The following ELOVL7 variants were observed in gnomAD, a reference collection of about 807,000 sequenced individuals.
ELOVL7 encodes ELOVL fatty acid elongase 7.
Under a neutral mutation model 35.7 loss-of-function variants are expected in ELOVL7, and 27 were observed. The observed-to-expected ratio is 0.76, with a 90% CI of 0.56 to 1.04. The LOEUF is 1.04. Ranked by LOEUF, ELOVL7 falls within the 50% of genes least tolerant of loss-of-function variation. The pLI, the probability that ELOVL7 is intolerant of heterozygous loss-of-function variation, is 0.00. For synonymous variants in ELOVL7, 113 were observed against 114.6 expected, an observed-to-expected ratio of 0.99 and a Z score of 0.09; for missense variants, 327 against 340.8, an observed-to-expected ratio of 0.96 and a Z score of 0.32.
chr5:60,784,326 T>C (rs150725406), intron 3 of ELOVL7: 174 of 440,074 alleles, frequency 4.0e-4, no homozygotes, highest in African/African-American at 3.1e-3. Context: ...CATGACTAAG[T>C]CTGAAAAGTC....
At chr5:60,843,373 ATTT>A (rs1747298947) in intron 1 of ELOVL7, 2 of 151,870 alleles carry the variant, frequency 1.3e-5, no homozygotes, top group Non-Finnish European at 2.9e-5. Context: ...GGGAAAGCCC[ATTT>A]CCCAACGAAC....
intron 1 of ELOVL7, among the ~76,000 whole-genome samples, chr5:60,814,557 T>C (rs1427542903): frequency 6.6e-6 from 1 of 152,218 alleles, no homozygotes; most frequent in East Asian, 1.9e-4. Flanking sequence ...TTCTGGGTCA[T>C]GTACTGTGCT....
At chr5:60,837,510 C>T (rs1746898484) in intron 1 of ELOVL7, among the ~76,000 whole-genome samples, 3 of 152,050 alleles carry the variant, frequency 2.0e-5, no homozygotes, top group African/African-American at 7.2e-5. Context: ...GATGACAAAC[C>T]TTTCACCCCA....
intron 1 of ELOVL7, among the ~76,000 whole-genome samples, chr5:60,804,267 GA>G (rs1446561696): frequency 1.3e-5 from 2 of 152,184 alleles, no homozygotes; most frequent in Non-Finnish European, 2.9e-5. Flanking sequence ...GAGGGCCTCT[GA>G]ATCTAAGCAG....
At chr5:60,820,557 C>A (rs1038410641) in intron 1 of ELOVL7, among the ~76,000 whole-genome samples, 2 of 152,104 alleles carry the variant, frequency 1.3e-5, no homozygotes, top group African/African-American at 4.8e-5. Context: ...GTACTTCAGC[C>A]CAATGGACAA....
intron 2 of ELOVL7, among the ~76,000 whole-genome samples, chr5:60,791,896 A>G (rs1743959426): frequency 6.6e-6 from 1 of 152,144 alleles, no homozygotes; most frequent in East Asian, 1.9e-4. Flanking sequence ...ATTATTCTGT[A>G]TCTGTGCGAT....
chr5:60,778,512 G>C (rs1743046940), intron 3 of ELOVL7, among the ~76,000 whole-genome samples: 1 of 152,156 alleles, frequency 6.6e-6, no homozygotes, highest in South Asian at 2.1e-4. Flanking sequence ...TGGCAGGAGA[G>C]AGAATGAGTG....
chr5:60,797,072 T>G (rs892054995), intron 2 of ELOVL7, among the ~76,000 whole-genome samples: 1 of 152,248 alleles, frequency 6.6e-6, no homozygotes, highest in African/African-American at 2.4e-5. Context: ...GTTTATCTGC[T>G]GGAATTGTCA....
intron 1 of ELOVL7, among the ~76,000 whole-genome samples, chr5:60,821,295 A>G (rs1334985725): frequency 6.6e-6 from 1 of 152,098 alleles, no homozygotes; most frequent in Non-Finnish European, 1.5e-5. Context: ...TGGACTTCTA[A>G]CCCCAATTCC....
At chr5:60,772,131 G>GC (rs1561430873) in intron 3 of ELOVL7, 38 bp from the exon 4 acceptor site, 2 of 1,417,868 alleles carry the variant, frequency 1.4e-6, no homozygotes, top group Non-Finnish European at 1.9e-6. Context: ...CACCTGCTTA[G>GC]CCAAGGGGTA....
intron 7 of ELOVL7, among the ~76,000 whole-genome samples, chr5:60,763,402 TTTAGTCTAGCAGAG>T (rs1742041611): frequency 6.6e-6 from 1 of 152,168 alleles, no homozygotes; most frequent in Non-Finnish European, 1.5e-5. Flanking sequence ...CCCCCTTTCT[TTTAGTCTAGCAGAG>T]TTAGAAAGGC....
intron 1 of ELOVL7, among the ~76,000 whole-genome samples, chr5:60,826,687 T>C (rs1301746234): frequency 1.3e-5 from 2 of 152,218 alleles, no homozygotes; most frequent in South Asian, 2.1e-4. Context: ...TTTTCCCTAA[T>C]ATGCTATGGG....
chr5:60,757,047 G>A (rs774994716), intron 8 of ELOVL7, among the ~76,000 whole-genome samples: 32 of 151,984 alleles, frequency 2.1e-4, no homozygotes, highest in Non-Finnish European at 3.5e-4. Context: ...AACCCTCTAC[G>A]TTTTTAATTC....
chr5:60,827,889 C>A (rs1746263329), intron 1 of ELOVL7, among the ~76,000 whole-genome samples: 1 of 152,118 alleles, frequency 6.6e-6, no homozygotes, highest in South Asian at 2.1e-4. Flanking sequence ...TCCTGCACAC[C>A]CAGAATCTCT....
chr5:60,806,852 G>A lies in ELOVL7; in HGVS notation c.-85-7622C>T, dbSNP rs576008316. Among the ~76,000 whole-genome samples the A allele has an allele frequency of 2.2e-4, 34 of 152,290 alleles. 1 individual carries two copies. The South Asian group carries it at 6.6e-3, about 30-fold the overall frequency. Reference sequence around the variant, plus strand: ...AGAAGCAAGTCAGAGAGCTGCAGAAGGGAGCTTCTACTTTGGTATTGGTAG... The same window carrying A: ...AGAAGCAAGTCAGAGAGCTGCAGAAAGGAGCTTCTACTTTGGTATTGGTAG... On this transcript the variant is annotated intron_variant, in intron 1 of 8. Coordinates refer to ENST00000508821, the MANE Select transcript of ELOVL7 (RefSeq NM_024930.3).
Position 60,799,900 on chromosome 5 carries a change from G to A in ELOVL7, c.-85-670C>T, listed in dbSNP as rs1462160312. Among the ~76,000 whole-genome samples the A allele has an allele frequency of 2.6e-5, 4 of 151,962 alleles. No homozygotes were observed. In the East Asian group the frequency reaches 7.7e-4, roughly 29 times the overall value. Reference sequence around the variant, plus strand: ...TAAAAATACAAAATTAGCCGGGCATGGTGGCGCATGCCTGTAATCCCAGCT... The same window carrying A: ...TAAAAATACAAAATTAGCCGGGCATAGTGGCGCATGCCTGTAATCCCAGCT... On this transcript the variant is annotated intron_variant, in intron 1 of 8. Coordinates refer to ENST00000508821, the MANE Select transcript of ELOVL7 (RefSeq NM_024930.3).
chr5:60,781,642 C>CACG (rs1743262505), intron 3 of ELOVL7, among the ~76,000 whole-genome samples: 1 of 152,100 alleles, frequency 6.6e-6, no homozygotes, highest in Non-Finnish European at 1.5e-5. Flanking sequence ...CTTTCAAGTT[C>CACG]TACAGATAAA....
At position 60,766,612 on chromosome 5, in the gene ELOVL7, G is replaced by A; in HGVS notation, c.355C>T (p.Leu119Phe). 1 of 1,613,042 alleles carries A rather than the reference G, an allele frequency of 6.2e-7. No homozygotes were observed. The highest frequency in any genetic ancestry group is 8.5e-7 in the Non-Finnish European group (1 of 1,179,518). The change falls in exon 6 of 9, where the codon CTT becomes TTT. Residue 119 changes from leucine to phenylalanine, a missense_variant. By Grantham distance (22) the Leu-to-Phe change is conservative (BLOSUM62 0). Coordinates refer to ENST00000508821, the MANE Select transcript of ELOVL7 (RefSeq NM_024930.3). ...TALRMARTCW[L>F]YYFSKFIELL... Reference sequence around the variant, plus strand: ...TCAATAAATTTGGAGAAGTAATAAAGCCAGCAGGTACGTGCCATCTGCAGA... The same window carrying A: ...TCAATAAATTTGGAGAAGTAATAAAACCAGCAGGTACGTGCCATCTGCAGA...
chr5:60,790,714 C>T (rs901197450), intron 2 of ELOVL7, among the ~76,000 whole-genome samples: 4 of 152,098 alleles, frequency 2.6e-5, no homozygotes, highest in Non-Finnish European at 5.9e-5. Context: ...CGGCTCACAA[C>T]AACCTTAGTT....
Sources: gnomAD v4.1 joint callset for allele counts (sites outside exome capture counted in the v4.1 genomes callset) on GRCh38, gnomAD v4.1.1 for gene constraint, MANE v1.5 for transcripts, NCBI Gene and HGNC (gene_info 2026-07-23, HGNC 2026-07-21) for gene names.